The following FXN variants were observed in gnomAD, a reference collection of about 807,000 sequenced individuals.
FXN encodes frataxin.
A neutral mutation model predicts 22.4 loss-of-function variants in FXN; 14 were observed. The observed-to-expected ratio is 0.62, with a 90% CI of 0.41 to 0.98. The LOEUF (loss-of-function observed/expected upper bound fraction) is 0.98, where lower values mean the gene tolerates loss of function less well. FXN is among the 50% of genes least tolerant of loss of function. The pLI, the probability that FXN is intolerant of heterozygous loss-of-function variation, is 0.00. For synonymous variants in FXN, 120 were observed against 114.1 expected (o/e 1.05, Z -0.33); for missense variants, 267 against 268.4 (o/e 0.99, Z 0.04).
chr9:69,064,363 G>A (rs1832130291), intron 3 of FXN, among the ~76,000 whole-genome samples: 1 of 152,168 alleles, frequency 6.6e-6, no homozygotes. Flanking sequence ...TTAGATGCGT[G>A]GGAAGAGTCT....
intron 3 of FXN, among the ~76,000 whole-genome samples, chr9:69,061,827 T>C (rs867235810): frequency 1.3e-5 from 2 of 152,178 alleles, no homozygotes; most frequent in Non-Finnish European, 2.9e-5. Flanking sequence ...ATTTCCAGTT[T>C]CATCCATGTC....
chr9:69,073,456 G>T lies in FXN; in HGVS notation c.*694G>T. The T allele has an allele frequency of 3.0e-6, 3 of 985,334 alleles. No homozygotes were observed. The highest frequency in any genetic ancestry group is 3.6e-6 in the Non-Finnish European group (3 of 829,936). 61.0% of individuals were successfully genotyped at this position (985,334 alleles called of 1,614,324 possible). A position where few individuals can be genotyped will look rare whatever the true frequency, so the allele number is the denominator to read the frequency against. On this transcript the variant is annotated 3_prime_UTR_variant, in exon 5 of 5. Transcript: ENST00000484259. Reference sequence around the variant, plus strand: ...GTTAGTATGGAATCAGCTGCTACAAGAATGCAAAAAATCTTCCAAAGACAA... The same window carrying T: ...GTTAGTATGGAATCAGCTGCTACAATAATGCAAAAAATCTTCCAAAGACAA...
chr9:69,077,318 C>T lies in FXN; in HGVS notation c.*4556C>T. ...TTTGGAATGTGTAAAACTCAGCTCA[C>T]TTATATCCCTGCATCCGCTACAGAG... On this transcript the variant is annotated 3_prime_UTR_variant, in exon 5 of 5. Coordinates refer to ENST00000484259, the MANE Select transcript of FXN (RefSeq NM_000144.5). The T allele has an allele frequency of 1.7e-5, 17 of 985,412 alleles. No individual in the cohort carries two copies. Among genetic ancestry groups the T allele is most frequent in the Non-Finnish European group, 2.0e-5 (17 of 829,922 alleles). 61.0% of individuals were successfully genotyped at this position (985,412 alleles called of 1,614,324 possible). A position where few individuals can be genotyped will look rare whatever the true frequency, so the allele number is the denominator to read the frequency against.
chr9:69,070,273 C>T, intron 4 of FXN, among the ~76,000 whole-genome samples: 1 of 152,026 alleles, frequency 6.6e-6, no homozygotes, highest in Non-Finnish European at 1.5e-5. Flanking sequence ...GGCTGGAGGG[C>T]CGCCGTGTCC....
chr9:69,074,237 A>G lies in FXN; in HGVS notation c.*1475A>G, dbSNP rs1199903735. On this transcript the variant is annotated 3_prime_UTR_variant, in exon 5 of 5. Transcript: ENST00000484259. ...AATAGCCATCCTTTATTGTACCCTT[A>G]CTGGGTTAATCGTATTATACCACAT... 1.0e-6 allele frequency: 1 copy of G among 973,594 alleles called. No individual in the cohort carries two copies. The highest frequency in any genetic ancestry group is 6.2e-5 in the Admixed American group (1 of 16,236). The allele number at this position is 973,594 out of a possible 1,614,324, so 60.3% of individuals were successfully genotyped here.
At position 69,072,568 on chromosome 9, in the gene FXN, AG is replaced by A. The variant is rs781500913; in HGVS notation, c.483-41del. On this transcript the variant is annotated intron_variant, in intron 4 of 4. Coordinates refer to ENST00000484259, the MANE Select transcript of FXN (RefSeq NM_000144.5). ...TTTGTGGAATCAGTGGTTCATCTGA[AG>A]GGCTGTGCTGTGGAATTACTATGCA... 1.9e-6 allele frequency: 3 copies of A among 1,613,198 alleles called. No individual in the cohort carries two copies. The East Asian group carries it at 6.7e-5, about 36-fold the overall frequency.
At chr9:69,053,377 A>T in intron 3 of FXN, 117 bp downstream of exon 3, 2 of 1,285,430 alleles carry the variant, frequency 1.6e-6, no homozygotes, top group Non-Finnish European at 2.2e-6. Context: ...TGTAGGTAGG[A>T]TTAAAAGACT....
intron 1 of FXN, among the ~76,000 whole-genome samples, chr9:69,037,144 C>A (rs1831564308): frequency 6.6e-6 from 1 of 151,778 alleles, no homozygotes; most frequent in Non-Finnish European, 1.5e-5. Flanking sequence ...GATTTCCTGG[C>A]AGGACGCGGT....
intron 3 of FXN, among the ~76,000 whole-genome samples, chr9:69,063,745 G>A (rs1275124459): frequency 6.6e-6 from 1 of 152,122 alleles, no homozygotes; most frequent in Non-Finnish European, 1.5e-5. Context: ...GTGTAGTGGT[G>A]TGATCTCAGC....
Position 69,075,905 on chromosome 9 carries a change from A to G in FXN, c.*3143A>G. The G allele has an allele frequency of 1.7e-6, 1 of 596,130 alleles. No homozygotes were observed. The highest frequency in any genetic ancestry group is 2.1e-6 in the Non-Finnish European group (1 of 475,264). The allele number at this position is 596,130 out of a possible 1,614,324, so 36.9% of individuals were successfully genotyped here. On this transcript the variant is annotated 3_prime_UTR_variant, in exon 5 of 5. Transcript: ENST00000484259. The stretch of plus-strand genomic sequence containing the variant: ...TTTTTTGTAGAGATGGGGTTTCACC[A>G]TGTTGCCCAGGCTGGTCTCTAACAC...
At chr9:69,058,353 TG>T (rs1832001637) in intron 3 of FXN, among the ~76,000 whole-genome samples, 1 of 152,196 alleles carries the variant, frequency 6.6e-6, no homozygotes, top group Admixed American at 6.5e-5. Context: ...GCCTGGAGAC[TG>T]TTAGAGTCAC....
intron 1 of FXN, among the ~76,000 whole-genome samples, chr9:69,042,802 C>T (rs1831681355): frequency 6.6e-6 from 1 of 152,138 alleles, no homozygotes; most frequent in South Asian, 2.1e-4. Context: ...TGAGGTGAGC[C>T]CCACATTCTC....
intron 2 of FXN, among the ~76,000 whole-genome samples, chr9:69,047,334 C>CA (rs1173904653): frequency 2.1e-4 from 32 of 150,398 alleles, no homozygotes; most frequent in African/African-American, 7.1e-4. Flanking sequence ...CACACAGACA[C>CA]AGACACACAC....
At chr9:69,054,239 G>T (rs927768027) in intron 3 of FXN, among the ~76,000 whole-genome samples, 5 of 152,172 alleles carry the variant, frequency 3.3e-5, no homozygotes, top group Admixed American at 3.3e-4. Flanking sequence ...ACCTCAAATG[G>T]TCCACCCCCA....
chr9:69,078,476 A>G lies in FXN; in HGVS notation c.*5714A>G, dbSNP rs572830075. The G allele has an allele frequency of 1.6e-4, 154 of 984,374 alleles. 1 individual carries two copies. In the African/African-American group the frequency reaches 2.5e-3, roughly 16 times the overall value. The allele number at this position is 984,374 out of a possible 1,614,324, so 61.0% of individuals were successfully genotyped here. A position where few individuals can be genotyped will look rare whatever the true frequency, so the allele number is the denominator to read the frequency against. ...CTCTCAGCCCATCATCTAGCTACAC[A>G]GTCTCCAGGGTAAGCTTTCAGAAAG... On this transcript the variant is annotated 3_prime_UTR_variant, in exon 5 of 5. Coordinates refer to ENST00000484259, the MANE Select transcript of FXN (RefSeq NM_000144.5).
chr9:69,060,941 C>T (rs558166006), intron 3 of FXN, among the ~76,000 whole-genome samples: 15 of 152,286 alleles, frequency 9.8e-5, no homozygotes, highest in African/African-American at 3.4e-4. Context: ...AGCAGTCAGG[C>T]AGCTCTGAAT....
intron 4 of FXN, among the ~76,000 whole-genome samples, chr9:69,071,535 G>A (rs1424524073): frequency 3.3e-5 from 5 of 152,170 alleles, no homozygotes; most frequent in Non-Finnish European, 7.3e-5. Context: ...AGGCCATGAG[G>A]AAGTGGAATG....
rs1195544092 is a variant in FXN, at chr9:69,073,102, T to TTTTTGTCTTG, written c.*340_*341insTTTTGTCTTG. 3.4e-6 allele frequency: 4 copies of TTTTTGTCTTG among 1,175,024 alleles called. No homozygotes were observed. Among genetic ancestry groups the TTTTTGTCTTG allele is most frequent in the Non-Finnish European group, 4.2e-6 (4 of 944,930 alleles). 72.8% of individuals were successfully genotyped at this position (1,175,024 alleles called of 1,614,324 possible). ...GAAGGAAAAATTCCAGGAGGGAAAATGAATTGTCTTCACTCTTCATTCTTT... is the reference window on the plus strand; with the variant it reads ...GAAGGAAAAATTCCAGGAGGGAAAATTTTTGTCTTGGAATTGTCTTCACTCTTCATTCTTT... On this transcript the variant is annotated 3_prime_UTR_variant, in exon 5 of 5. Transcript: ENST00000484259.
chr9:69,038,400 A>G (rs1831600080), intron 1 of FXN, among the ~76,000 whole-genome samples: 1 of 152,246 alleles, frequency 6.6e-6, no homozygotes, highest in Admixed American at 6.5e-5. Flanking sequence ...TTCAACAGAA[A>G]CAGAATGGGA....
Sources: gnomAD v4.1 joint callset for allele counts (sites outside exome capture counted in the v4.1 genomes callset) on GRCh38, gnomAD v4.1.1 for gene constraint, MANE v1.5 for transcripts, NCBI Gene and HGNC (gene_info 2026-07-23, HGNC 2026-07-21) for gene names.